The following RALGPS2 variants were observed in gnomAD, a reference collection of about 807,000 sequenced individuals.
The protein encoded by RALGPS2 is Ral GEF with PH domain and SH3 binding motif 2.
RALGPS2 carries 43 observed loss-of-function variants against 86.8 expected under a neutral mutation model. That is an observed-to-expected ratio of 0.50 (90% CI 0.39 to 0.64). RALGPS2 has a LOEUF of 0.64. Among genes scored for constraint, RALGPS2 ranks in the 30% least tolerant of loss-of-function variants. The pLI is 0.00. For synonymous variants in RALGPS2, 243 were observed against 231.3 expected (o/e 1.05, Z -0.46); for missense variants, 536 against 694.6 (o/e 0.77, Z 2.57).
chr1:178,739,059 G>A (rs548209687), intron 1 of RALGPS2, among the ~76,000 whole-genome samples: 6 of 152,262 alleles, frequency 3.9e-5, no homozygotes, highest in South Asian at 2.1e-4. Flanking sequence ...GATAGTTTAG[G>A]GGTTTGTAGG....
At chr1:178,875,471 G>C (rs1475618828) in intron 8 of RALGPS2, among the ~76,000 whole-genome samples, 1 of 152,248 alleles carries the variant, frequency 6.6e-6, no homozygotes, top group Middle Eastern at 3.4e-3. Flanking sequence ...TATTGGGCCA[G>C]GTGCAGTGGC....
Position 178,744,834 on chromosome 1 carries a change from A to G in RALGPS2, c.-84+19415A>G, listed in dbSNP as rs574288572. On this transcript the variant is annotated intron_variant, in intron 1 of 19. Coordinates refer to ENST00000367635, the MANE Select transcript of RALGPS2 (RefSeq NM_152663.5). ...CTCCATCTCAAAAAAAAAAAAAAAAAAAAGAAAGGAAAAGGCATCCAGACT... is the reference window on the plus strand; with the variant it reads ...CTCCATCTCAAAAAAAAAAAAAAAAGAAAGAAAGGAAAAGGCATCCAGACT... Among the ~76,000 whole-genome samples, 93 of 151,758 alleles carry G rather than the reference A, an allele frequency of 6.1e-4. No homozygotes were observed. The Middle Eastern group carries it at 0.01, about 17-fold the overall frequency.
chr1:178,840,061 A>G (rs1656511777), intron 8 of RALGPS2, among the ~76,000 whole-genome samples: 1 of 152,198 alleles, frequency 6.6e-6, no homozygotes, highest in Admixed American at 6.5e-5. Context: ...GGGAGACTTT[A>G]ACACCCCACT....
At chr1:178,765,182 T>G (rs1652437197) in intron 1 of RALGPS2, among the ~76,000 whole-genome samples, 1 of 150,972 alleles carries the variant, frequency 6.6e-6, no homozygotes, top group African/African-American at 2.4e-5. Flanking sequence ...TTATACAGAG[T>G]CTTGCTCTGT....
chr1:178,898,218 T>G (rs1660027316), intron 17 of RALGPS2, among the ~76,000 whole-genome samples: 1 of 152,032 alleles, frequency 6.6e-6, no homozygotes, highest in Non-Finnish European at 1.5e-5. Context: ...AATTTTCCTA[T>G]AAATCTTTTT....
At chr1:178,882,413 A>G (rs1489474625) in intron 10 of RALGPS2, among the ~76,000 whole-genome samples, 2 of 152,242 alleles carry the variant, frequency 1.3e-5, no homozygotes, top group Admixed American at 6.5e-5. Context: ...TGAATGCAGT[A>G]TAGTTTGTAG....
chr1:178,874,123 A>G (rs999747995), intron 8 of RALGPS2, among the ~76,000 whole-genome samples: 1 of 152,220 alleles, frequency 6.6e-6, no homozygotes, highest in Non-Finnish European at 1.5e-5. Flanking sequence ...TGTCGGGGAA[A>G]AAATAAGGGA....
chr1:178,860,686 C>A (rs1657942415), intron 8 of RALGPS2, among the ~76,000 whole-genome samples: 1 of 152,208 alleles, frequency 6.6e-6, no homozygotes, highest in Non-Finnish European at 1.5e-5. Context: ...AGTAGAGTCT[C>A]ATACAGTGTT....
In RALGPS2 at chr1:178,919,260, C is replaced by G. The variant is rs1335549795; in HGVS notation, c.*2901C>G. ...TGGGCAAACATTACAAAAAGGGATCCAAACAATTTGAGTTTCAGTATTTTT... is the reference window on the plus strand; with the variant it reads ...TGGGCAAACATTACAAAAAGGGATCGAAACAATTTGAGTTTCAGTATTTTT... On this transcript the variant is annotated 3_prime_UTR_variant, in exon 20 of 20. Transcript: ENST00000367635. 6.6e-6 allele frequency: 1 copy of G among 151,986 alleles called. No homozygotes were observed. Among genetic ancestry groups the G allele is most frequent in the Non-Finnish European group, 1.5e-5 (1 of 67,910 alleles). The allele number at this position is 151,986 out of a possible 1,614,324, so 9.4% of individuals were successfully genotyped here. A position where few individuals can be genotyped will look rare whatever the true frequency, so the allele number is the denominator to read the frequency against.
Position 178,817,365 on chromosome 1 carries a change from AAAAAAAG to A in RALGPS2, c.388-4244_388-4238del, listed in dbSNP as rs1457480036. Among the ~76,000 whole-genome samples, 218 of 151,478 alleles carry A rather than the reference AAAAAAAG, an allele frequency of 1.4e-3. 1 individual carries two copies. Among genetic ancestry groups the A allele is most frequent in the South Asian group, 6.9e-3 (33 of 4,800 alleles). Reference sequence around the variant, plus strand: ...CAATTTAAAAAAAAAAAAAAAAAAAAAAAAAAGAATATCTAATTGTGCTAACTCCATT... The same window carrying A: ...CAATTTAAAAAAAAAAAAAAAAAAAAAATATCTAATTGTGCTAACTCCATT... On this transcript the variant is annotated intron_variant, in intron 6 of 19. Coordinates refer to ENST00000367635, the MANE Select transcript of RALGPS2 (RefSeq NM_152663.5).
chr1:178,737,659 C>G (rs796177782), intron 1 of RALGPS2, among the ~76,000 whole-genome samples: 5 of 152,290 alleles, frequency 3.3e-5, no homozygotes, highest in African/African-American at 1.2e-4. Context: ...ATGTTTACTT[C>G]TAGTATTTTT....
At chr1:178,739,089 T>G (rs1474470260) in intron 1 of RALGPS2, among the ~76,000 whole-genome samples, 1 of 152,246 alleles carries the variant, frequency 6.6e-6, no homozygotes, top group Non-Finnish European at 1.5e-5. Context: ...AGTAAGTTTT[T>G]TCTTTTTTTT....
At chr1:178,827,046 GT>G (rs1655779901) in intron 7 of RALGPS2, among the ~76,000 whole-genome samples, 1 of 152,110 alleles carries the variant, frequency 6.6e-6, no homozygotes, top group African/African-American at 2.4e-5. Flanking sequence ...ACAAAAATCA[GT>G]TGCATTTCTG....
At chr1:178,870,967 T>A (rs1196636430) in intron 8 of RALGPS2, 2 of 152,192 alleles carry the variant, frequency 1.3e-5, no homozygotes, top group African/African-American at 4.8e-5. Flanking sequence ...GTGGAAGTTC[T>A]GGTCTGTGGG....
chr1:178,892,407 T>C, intron 15 of RALGPS2, 100 bp downstream of exon 15: 1 of 947,736 alleles, frequency 1.1e-6, no homozygotes, highest in East Asian at 2.6e-5. Flanking sequence ...CTTTCTCAAC[T>C]AATTGATTTA....
intron 4 of RALGPS2, among the ~76,000 whole-genome samples, chr1:178,802,385 T>C (rs1654522484): frequency 6.6e-6 from 1 of 152,190 alleles, no homozygotes; most frequent in Non-Finnish European, 1.5e-5. Flanking sequence ...TCATGACTTT[T>C]CTTTGCTTCT....
intron 19 of RALGPS2, among the ~76,000 whole-genome samples, chr1:178,909,755 T>G (rs921567247): frequency 1.3e-5 from 2 of 150,634 alleles, no homozygotes. Context: ...GTTCAAGCGA[T>G]TCTCCTGCCT....
chr1:178,890,749 C>G (rs931343516), intron 14 of RALGPS2, among the ~76,000 whole-genome samples: 6 of 151,914 alleles, frequency 3.9e-5, no homozygotes, highest in Non-Finnish European at 1.5e-5. Flanking sequence ...CCTTTCTACT[C>G]TAATTATCAG....
At chr1:178,806,892 C>T (rs1307930384) in intron 4 of RALGPS2, among the ~76,000 whole-genome samples, 3 of 152,140 alleles carry the variant, frequency 2.0e-5, no homozygotes, top group Non-Finnish European at 4.4e-5. Flanking sequence ...ACTCGTCCGG[C>T]AGGCTGAAGC....
Sources: allele counts gnomAD v4.1 joint callset (sites outside exome capture counted in the v4.1 genomes callset), GRCh38; gene constraint gnomAD v4.1.1; transcripts MANE v1.5; gene names NCBI Gene and HGNC (gene_info 2026-07-23, HGNC 2026-07-21).